The following ELAVL2 variants were observed in gnomAD, a reference collection of about 807,000 sequenced individuals.
ELAVL2 encodes the protein ELAV like RNA binding protein 2, also known as ELAV-like protein 2.
A neutral mutation model predicts 34.6 loss-of-function variants in ELAVL2; 4 were observed. The observed-to-expected ratio is 0.12, with a 90% CI of 0.06 to 0.26. The LOEUF (loss-of-function observed/expected upper bound fraction) is 0.26. Ranked by LOEUF, ELAVL2 falls within the 10% of genes least tolerant of loss-of-function variation. The pLI is 1.00. For missense variants in ELAVL2, 432 were observed against 442.8 expected, an observed-to-expected ratio of 0.98 and a Z score of 0.22; for synonymous variants, 193 against 154.8, an observed-to-expected ratio of 1.25 and a Z score of -1.83.
At chr9:23,750,685 G>A (rs2051736950) in intron 2 of ELAVL2, among the ~76,000 whole-genome samples, 1 of 152,142 alleles carries the variant, frequency 6.6e-6, no homozygotes, top group Non-Finnish European at 1.5e-5. Flanking sequence ...CAATTGATTT[G>A]ATACACCATC....
chr9:23,812,533 C>T (rs146569555), intron 1 of ELAVL2, among the ~76,000 whole-genome samples: 142 of 152,072 alleles, frequency 9.3e-4, no homozygotes, highest in Non-Finnish European at 1.7e-3. Flanking sequence ...CCTGAGGTGC[C>T]GCAATGAGAT....
intron 1 of ELAVL2, chr9:23,783,322 C>G (rs2059304194): frequency 3.2e-6 from 1 of 311,380 alleles, no homozygotes; most frequent in Non-Finnish European, 4.7e-6. Context: ...TGGAAGACAG[C>G]AAGATCTCAC....
intron 1 of ELAVL2, among the ~76,000 whole-genome samples, chr9:23,787,706 C>A (rs552822097): frequency 6.6e-6 from 1 of 152,214 alleles, no homozygotes; most frequent in South Asian, 2.1e-4. Flanking sequence ...TCACCCCAGA[C>A]CAATTAAATA....
the ELAVL2 span, among the ~76,000 whole-genome samples, chr9:23,843,536 T>C: frequency 6.6e-6 from 1 of 152,090 alleles, no homozygotes; most frequent in African/African-American, 2.4e-5. Context: ...TTCTCCTCCA[T>C]TGCAAATGTG....
Position 23,690,746 on chromosome 9 carries a change from C to A in ELAVL2, c.*1811G>T, listed in dbSNP as rs1431999986. 1 of 152,536 alleles carries A rather than the reference C, an allele frequency of 6.6e-6. No individual in the cohort carries two copies. Among genetic ancestry groups the A allele is most frequent in the Non-Finnish European group, 1.5e-5 (1 of 68,002 alleles). The allele number at this position is 152,536 out of a possible 1,614,324, so 9.4% of individuals were successfully genotyped here. ...AAGCATGTGAGCATCTCAGTTTATACAAAAAGCAGGACGTAACTATATAGT... is the reference window on the plus strand; with the variant it reads ...AAGCATGTGAGCATCTCAGTTTATAAAAAAAGCAGGACGTAACTATATAGT... On this transcript the variant is annotated 3_prime_UTR_variant, in exon 7 of 7. Transcript: ENST00000397312.
chr9:23,833,217 TGTA>T, the ELAVL2 span, among the ~76,000 whole-genome samples: 2 of 151,880 alleles, frequency 1.3e-5, no homozygotes, highest in African/African-American at 4.8e-5. Context: ...CTACTATATA[TGTA>T]TATTAAGAAA....
chr9:23,809,420 G>C (rs1485933593), intron 1 of ELAVL2, among the ~76,000 whole-genome samples: 2 of 152,104 alleles, frequency 1.3e-5, no homozygotes, highest in Admixed American at 6.6e-5. Flanking sequence ...GGGGGACATA[G>C]AATCAGGACA....
At chr9:23,743,657 A>G (rs550891810) in intron 2 of ELAVL2, among the ~76,000 whole-genome samples, 1 of 152,206 alleles carries the variant, frequency 6.6e-6, no homozygotes, top group Admixed American at 6.5e-5. Flanking sequence ...TTCCTATGAA[A>G]CAGGAAAAAC....
intron 3 of ELAVL2, among the ~76,000 whole-genome samples, chr9:23,723,833 G>A (rs901775767): frequency 2.6e-5 from 4 of 152,038 alleles, no homozygotes; most frequent in African/African-American, 9.7e-5. Flanking sequence ...CTGATAAACA[G>A]TAAGTTTCAG....
chr9:23,691,569 T>C lies in ELAVL2; in HGVS notation c.*988A>G, dbSNP rs545166623. On this transcript the variant is annotated 3_prime_UTR_variant, in exon 7 of 7. Coordinates refer to ENST00000397312, the MANE Select transcript of ELAVL2 (RefSeq NM_004432.5). Reference sequence around the variant, plus strand: ...ATTTCTTGCCTGCTCTTATATATTCTTTTGTAAATTTTTTTTATTTGTTTC... The same window carrying C: ...ATTTCTTGCCTGCTCTTATATATTCCTTTGTAAATTTTTTTTATTTGTTTC... 1.6e-4 allele frequency: 24 copies of C among 152,686 alleles called. No individual in the cohort carries two copies. In the South Asian group the frequency reaches 4.8e-3, roughly 30 times the overall value. 9.5% of individuals were successfully genotyped at this position (152,686 alleles called of 1,614,324 possible).
chr9:23,780,907 G>A (rs961900878), intron 1 of ELAVL2, among the ~76,000 whole-genome samples: 9 of 152,148 alleles, frequency 5.9e-5, no homozygotes, highest in African/African-American at 2.2e-4. Flanking sequence ...TGGCCTCAGA[G>A]AAGCAATTAT....
At chr9:23,796,616 C>T (rs964921054) in intron 1 of ELAVL2, among the ~76,000 whole-genome samples, 1 of 152,374 alleles carries the variant, frequency 6.6e-6, no homozygotes, top group Admixed American at 6.5e-5. Flanking sequence ...AGGGCAATGG[C>T]TGTCTATAAG....
intron 1 of ELAVL2, among the ~76,000 whole-genome samples, chr9:23,800,206 A>G: frequency 6.6e-6 from 1 of 152,216 alleles, no homozygotes; most frequent in East Asian, 1.9e-4. Flanking sequence ...TCTGTAGGTC[A>G]GACATCGAAG....
intron 1 of ELAVL2, among the ~76,000 whole-genome samples, chr9:23,808,384 A>G (rs1299002035): frequency 6.6e-6 from 1 of 152,196 alleles, no homozygotes; most frequent in African/African-American, 2.4e-5. Flanking sequence ...CTAAGGTAGT[A>G]TATGTGGCAT....
intron 1 of ELAVL2, among the ~76,000 whole-genome samples, chr9:23,782,724 G>A (rs2059228230): frequency 1.3e-5 from 2 of 152,336 alleles, no homozygotes; most frequent in Admixed American, 6.5e-5. Flanking sequence ...CACTTTATAT[G>A]CTCAAATACT....
chr9:23,712,447 C>T (rs1008715879), intron 3 of ELAVL2, among the ~76,000 whole-genome samples: 1 of 151,902 alleles, frequency 6.6e-6, no homozygotes, highest in Non-Finnish European at 1.5e-5. Flanking sequence ...AATAATAAAA[C>T]ACATCAAAAA....
intron 3 of ELAVL2, among the ~76,000 whole-genome samples, chr9:23,719,755 G>A (rs752952925): frequency 2.6e-5 from 4 of 151,922 alleles, no homozygotes; most frequent in Admixed American, 1.3e-4. Context: ...CACTGGGTAG[G>A]GAAGGAAGAG....
chr9:23,740,867 G>T (rs1375029903), intron 2 of ELAVL2, among the ~76,000 whole-genome samples: 1 of 152,158 alleles, frequency 6.6e-6, no homozygotes, highest in Non-Finnish European at 1.5e-5. Context: ...TGCCAAAACG[G>T]TCTCCCACAC....
chr9:23,704,770 G>T, intron 4 of ELAVL2, 148 bp downstream of exon 4: 2 of 1,008,058 alleles, frequency 2.0e-6, no homozygotes, highest in Non-Finnish European at 2.9e-6. Flanking sequence ...GCATATTTAT[G>T]AACAATTCCA....
Sources: allele counts gnomAD v4.1 joint callset (sites outside exome capture counted in the v4.1 genomes callset), GRCh38; gene constraint gnomAD v4.1.1; transcripts MANE v1.5; gene names NCBI Gene and HGNC (gene_info 2026-07-23, HGNC 2026-07-21).